TBL1XR1: variants seen among roughly 807,000 people sequenced by gnomAD.
The protein encoded by TBL1XR1 is TBL1X/Y related 1.
Under a neutral mutation model 66.9 loss-of-function variants are expected in TBL1XR1, and 5 were observed. That is an observed-to-expected ratio of 0.07 (90% CI 0.04 to 0.16). TBL1XR1 has a LOEUF of 0.16. Ranked by LOEUF, TBL1XR1 falls within the 10% of genes least tolerant of loss-of-function variation. The pLI is 1.00. For missense variants in TBL1XR1, 238 were observed against 623.2 expected, an observed-to-expected ratio of 0.38 and a Z score of 6.58; for synonymous variants, 210 against 206.0, an observed-to-expected ratio of 1.02 and a Z score of -0.17.
At chr3:177,168,568 T>C (rs1173256796) in intron 1 of TBL1XR1, among the ~76,000 whole-genome samples, 1 of 152,126 alleles carries the variant, frequency 6.6e-6, no homozygotes, top group Non-Finnish European at 1.5e-5. Context: ...AGGGGTGAGC[T>C]ACCACGTCCG....
intron 1 of TBL1XR1, among the ~76,000 whole-genome samples, chr3:177,193,195 G>A (rs1324757948): frequency 1.3e-5 from 2 of 151,834 alleles, no homozygotes; most frequent in Admixed American, 6.6e-5. Flanking sequence ...TAAATAAAAC[G>A]TATGAGGAGC....
chr3:177,028,752 A>G (rs1199749667), intron 14 of TBL1XR1, among the ~76,000 whole-genome samples: 1 of 152,226 alleles, frequency 6.6e-6, no homozygotes, highest in Non-Finnish European at 1.5e-5. Flanking sequence ...TGGATGACTA[A>G]AGTGGCAAGA....
chr3:177,065,367 A>G lies in TBL1XR1; in HGVS notation c.-45-345T>C, dbSNP rs3979210. On this transcript the variant is annotated intron_variant, in intron 2 of 15. Coordinates refer to ENST00000457928, the MANE Select transcript of TBL1XR1 (RefSeq NM_024665.7). ...GAAGTAAATTTTAAAAATAAAAAAT[A>G]TTAGTTATTTGCAAGAAGGCTGATT... Among the ~76,000 whole-genome samples, 66,486 of 152,132 alleles carry G rather than the reference A, an allele frequency of 0.44. 14,761 individuals carry two copies. Among genetic ancestry groups the G allele is most frequent in the East Asian group, 0.58 (2,994 of 5,182 alleles).
At chr3:177,071,029 C>CTTTTTTTTTTTTT (rs1553825595) in intron 2 of TBL1XR1, among the ~76,000 whole-genome samples, 3 of 82,944 alleles carry the variant, frequency 3.6e-5, no homozygotes, top group Admixed American at 1.3e-4. Context: ...TTCTGAGAAT[C>CTTTTTTTTTTTTT]TGTTTTTTTT....
rs140792232 is a variant in TBL1XR1 at position 177,095,147 on chromosome 3, A to G, written c.-46+3319T>C. Among the ~76,000 whole-genome samples, 297 of 152,220 alleles carry G rather than the reference A, an allele frequency of 2.0e-3. 5 individuals carry two copies. Among genetic ancestry groups the G allele is most frequent in the African/African-American group, 6.9e-3 (286 of 41,538 alleles). ...AGACAAATAGTATATGGTGCTACCT[A>G]TATGAGGTATCTAGCAAACTCAGAA... is the stretch of plus-strand genomic sequence containing the variant. On this transcript the variant is annotated intron_variant, in intron 2 of 15. Transcript: ENST00000457928.
chr3:177,100,861 G>GTT (rs1313182694), intron 1 of TBL1XR1, among the ~76,000 whole-genome samples: 8,489 of 130,828 alleles, frequency 0.065, 379 homozygotes, highest in South Asian at 0.2. Flanking sequence ...TTTTTCTTTG[G>GTT]TTTTTTTTTT....
chr3:177,115,990 A>ATTTTC (rs1726262880), intron 1 of TBL1XR1, among the ~76,000 whole-genome samples: 2 of 152,166 alleles, frequency 1.3e-5, no homozygotes, highest in Non-Finnish European at 2.9e-5. Context: ...CTTTTGCTTT[A>ATTTTC]ATGAAAATAA....
At position 177,025,014 on chromosome 3, in the gene TBL1XR1, A is replaced by C. The variant is rs894843167; in HGVS notation, c.*484T>G. The C allele has an allele frequency of 6.5e-6, 1 of 155,020 alleles. No homozygotes were observed. Among genetic ancestry groups the C allele is most frequent in the Non-Finnish European group, 1.4e-5 (1 of 69,706 alleles). 9.6% of individuals were successfully genotyped at this position (155,020 alleles called of 1,614,324 possible). On this transcript the variant is annotated 3_prime_UTR_variant, in exon 16 of 16. Transcript: ENST00000457928. ...CTTCATGCATCCATAATCTAAACCA[A>C]AAACGAAATTTTAAAGCAAGAACAA...
intron 1 of TBL1XR1, among the ~76,000 whole-genome samples, chr3:177,133,565 A>T (rs548432237): frequency 6.4e-4 from 98 of 152,294 alleles, no homozygotes; most frequent in South Asian, 6.0e-3. Flanking sequence ...AAGTAACACT[A>T]CATGTTATTC....
chr3:177,179,638 G>T (rs978397964), intron 1 of TBL1XR1, among the ~76,000 whole-genome samples: 3 of 152,058 alleles, frequency 2.0e-5, no homozygotes, highest in East Asian at 3.9e-4. Flanking sequence ...ACTACTCTTG[G>T]GAGGGCTTCA....
intron 14 of TBL1XR1, 108 bp from the exon 15 acceptor site, chr3:177,026,582 G>T: frequency 2.7e-6 from 2 of 747,472 alleles, no homozygotes; most frequent in Middle Eastern, 2.5e-4. Flanking sequence ...TCAGAGGAGG[G>T]ACTTAGCTTC....
intron 2 of TBL1XR1, among the ~76,000 whole-genome samples, chr3:177,089,679 T>C (rs769733494): frequency 6.6e-6 from 1 of 152,196 alleles, no homozygotes; most frequent in Non-Finnish European, 1.5e-5. Context: ...AGAGTCCTGT[T>C]GTTAAACCAA....
intron 9 of TBL1XR1, 62 bp from the exon 10 acceptor site, chr3:177,046,251 GTA>G: frequency 8.3e-7 from 1 of 1,211,984 alleles, no homozygotes; most frequent in Non-Finnish European, 1.2e-6. Context: ...CATGTGTAAA[GTA>G]TATGCCTAAC....
rs1200097225 is a variant in TBL1XR1 at position 177,132,445 on chromosome 3, T to C, written c.-121-33904A>G. Among the ~76,000 whole-genome samples, 3 of 152,224 alleles carry C rather than the reference T, an allele frequency of 2.0e-5. 1 individual carries two copies. Among genetic ancestry groups the C allele is most frequent in the Non-Finnish European group, 1.5e-5 (1 of 68,034 alleles). On this transcript the variant is annotated intron_variant, in intron 1 of 15. Coordinates refer to ENST00000457928, the MANE Select transcript of TBL1XR1 (RefSeq NM_024665.7). Reference sequence around the variant, plus strand: ...AAGCACTTGCTTTAAGTATCGTTTTTCAGCAATAAACCACAGATTGATGAG... The same window carrying C: ...AAGCACTTGCTTTAAGTATCGTTTTCCAGCAATAAACCACAGATTGATGAG...
chr3:177,200,103 G>A (rs576608810), upstream of TBL1XR1, among the ~76,000 whole-genome samples: 1 of 152,068 alleles, frequency 6.6e-6, no homozygotes, highest in Non-Finnish European at 1.5e-5. Context: ...CTCCCGAGTA[G>A]TTGGGATTAC....
Position 177,038,390 on chromosome 3 carries a change from AAGC to A in TBL1XR1, c.967_969del (p.Ala323del). On this transcript the variant is annotated inframe_deletion, in exon 11 of 16. Coordinates refer to ENST00000457928, the MANE Select transcript of TBL1XR1 (RefSeq NM_024665.7). The stretch of plus-strand genomic sequence containing the variant: ...TGAATGCACATATCTGTACTACAAG[AAGC>A]AAAGGTGTTGTTGCTCTGCCAATCA... 6.3e-7 allele frequency: 1 copy of A among 1,577,848 alleles called. No individual in the cohort carries two copies. The highest frequency in any genetic ancestry group is 8.6e-7 in the Non-Finnish European group (1 of 1,159,838).
intron 1 of TBL1XR1, among the ~76,000 whole-genome samples, chr3:177,154,586 G>A (rs1731275202): frequency 6.6e-6 from 1 of 151,934 alleles, no homozygotes; most frequent in African/African-American, 2.4e-5. Context: ...TAGTAGAAAC[G>A]GGGTTTCGCC....
intron 10 of TBL1XR1, among the ~76,000 whole-genome samples, chr3:177,044,384 A>G (rs560154478): frequency 1.3e-4 from 20 of 152,160 alleles, no homozygotes; most frequent in Non-Finnish European, 2.2e-4. Context: ...AGACTTACTG[A>G]TAACAGTTGA....
At chr3:177,140,834 A>T (rs1729547814) in intron 1 of TBL1XR1, among the ~76,000 whole-genome samples, 1 of 152,232 alleles carries the variant, frequency 6.6e-6, no homozygotes, top group African/African-American at 2.4e-5. Context: ...ACGTAGTTGC[A>T]AACTCTAATC....
Sources: allele counts gnomAD v4.1 joint callset (sites outside exome capture counted in the v4.1 genomes callset), GRCh38; gene constraint gnomAD v4.1.1; transcripts MANE v1.5; gene names NCBI Gene and HGNC (gene_info 2026-07-23, HGNC 2026-07-21).